Variants in DPYSL5 observed in about 807,000 individuals in gnomAD.
DPYSL5 encodes dihydropyrimidinase-related protein 5.
Under a neutral mutation model 58.4 loss-of-function variants are expected in DPYSL5, and 9 were observed. The observed-to-expected ratio is 0.15, with a 90% CI of 0.09 to 0.27. DPYSL5 has a LOEUF of 0.27. Among genes scored for constraint, DPYSL5 ranks in the 10% least tolerant of loss-of-function variants. The pLI, the probability that DPYSL5 is intolerant of heterozygous loss-of-function variation, is 1.00. For missense variants in DPYSL5, 499 were observed against 770.6 expected, an observed-to-expected ratio of 0.65 and a Z score of 4.17; for synonymous variants, 293 against 301.9, an observed-to-expected ratio of 0.97 and a Z score of 0.31.
chr2:26,918,465 C>G (rs1463909071), intron 2 of DPYSL5, among the ~76,000 whole-genome samples: 8 of 129,558 alleles, frequency 6.2e-5, no homozygotes, highest in African/African-American at 2.3e-4. Flanking sequence ...AACTACCGAG[C>G]TGGTTATTTT....
intron 1 of DPYSL5, among the ~76,000 whole-genome samples, chr2:26,876,940 C>T (rs1663424682): frequency 1.3e-5 from 2 of 149,202 alleles, no homozygotes; most frequent in Non-Finnish European, 3.0e-5. Context: ...TTCACCAGTG[C>T]TGTTACTGAT....
intron 1 of DPYSL5, among the ~76,000 whole-genome samples, chr2:26,874,221 C>G (rs1177894856): frequency 6.6e-6 from 1 of 152,108 alleles, no homozygotes; most frequent in Non-Finnish European, 1.5e-5. Context: ...CTATGGCTTG[C>G]TTTTTCATTT....
At chr2:26,861,505 T>A (rs1666016139) in intron 1 of DPYSL5, among the ~76,000 whole-genome samples, 1 of 152,194 alleles carries the variant, frequency 6.6e-6, no homozygotes, top group African/African-American at 2.4e-5. Flanking sequence ...AGAGAACGTT[T>A]AGTCATTTCA....
chr2:26,884,777 G>C (rs1663670938), intron 1 of DPYSL5, among the ~76,000 whole-genome samples: 1 of 152,148 alleles, frequency 6.6e-6, no homozygotes, highest in African/African-American at 2.4e-5. Context: ...CCTCTTACTT[G>C]ATCTTAGCCT....
intron 1 of DPYSL5, among the ~76,000 whole-genome samples, chr2:26,883,730 C>T (rs1309440615): frequency 6.6e-6 from 1 of 152,090 alleles, no homozygotes; most frequent in African/African-American, 2.4e-5. Context: ...TGCTCCTTCC[C>T]CTCAACTATT....
intron 2 of DPYSL5, among the ~76,000 whole-genome samples, chr2:26,919,186 G>A (rs946890245): frequency 1.4e-4 from 21 of 152,300 alleles, no homozygotes; most frequent in Non-Finnish European, 2.8e-4. Context: ...TTGCTGAGCA[G>A]GACCCTGGTC....
At chr2:26,853,518 C>A (rs903758849) in intron 1 of DPYSL5, among the ~76,000 whole-genome samples, 2 of 152,162 alleles carry the variant, frequency 1.3e-5, no homozygotes, top group African/African-American at 4.8e-5. Context: ...CATGGCAGAG[C>A]CAGGCCTTGA....
At chr2:26,859,747 C>T (rs1383744107) in intron 1 of DPYSL5, among the ~76,000 whole-genome samples, 6 of 152,054 alleles carry the variant, frequency 3.9e-5, no homozygotes, top group Non-Finnish European at 4.4e-5. Context: ...GGTTATGAGA[C>T]GCACCCATTG....
intron 1 of DPYSL5, among the ~76,000 whole-genome samples, chr2:26,890,999 G>A (rs1293493654): frequency 6.6e-6 from 1 of 152,162 alleles, no homozygotes; most frequent in African/African-American, 2.4e-5. Flanking sequence ...CCACACTGGG[G>A]TTAAGGCTTC....
intron 1 of DPYSL5, among the ~76,000 whole-genome samples, chr2:26,868,872 C>T (rs569823584): frequency 2.6e-5 from 4 of 152,106 alleles, no homozygotes; most frequent in African/African-American, 4.8e-5. Flanking sequence ...TGACATTTTA[C>T]GATATTATGT....
At chr2:26,945,199 G>A (rs1572724829) in intron 12 of DPYSL5, among the ~76,000 whole-genome samples, 1 of 151,320 alleles carries the variant, frequency 6.6e-6, no homozygotes, top group Non-Finnish European at 1.5e-5. Context: ...CCAGCCCTTC[G>A]CCCACCCCAG....
intron 1 of DPYSL5, among the ~76,000 whole-genome samples, chr2:26,886,442 A>G (rs564490487): frequency 1.3e-5 from 2 of 152,282 alleles, no homozygotes; most frequent in East Asian, 3.9e-4. Flanking sequence ...AATGCACTTA[A>G]TGATATTAAG....
chr2:26,884,022 C>T (rs1405212724), intron 1 of DPYSL5, among the ~76,000 whole-genome samples: 1 of 152,220 alleles, frequency 6.6e-6, no homozygotes, highest in African/African-American at 2.4e-5. Flanking sequence ...GAAGCAGCCA[C>T]TCCAGGAGCT....
intron 8 of DPYSL5, chr2:26,938,958 C>T (rs1034871780): frequency 6.6e-6 from 1 of 152,450 alleles, no homozygotes; most frequent in Admixed American, 6.5e-5. Flanking sequence ...CCCTCACTGC[C>T]TCTGAGCCCT....
intron 1 of DPYSL5, among the ~76,000 whole-genome samples, chr2:26,889,760 G>A (rs2148130853): frequency 6.6e-6 from 1 of 150,992 alleles, no homozygotes; most frequent in Admixed American, 6.6e-5. Flanking sequence ...CGACTTTCCT[G>A]AGAGGTCCAG....
chr2:26,865,714 T>C (rs1456919789), intron 1 of DPYSL5, among the ~76,000 whole-genome samples: 2 of 152,148 alleles, frequency 1.3e-5, no homozygotes, highest in Non-Finnish European at 2.9e-5. Flanking sequence ...AAAGACCTTA[T>C]GGGTGAAGAG....
intron 1 of DPYSL5, among the ~76,000 whole-genome samples, chr2:26,854,410 G>T (rs1665827256): frequency 6.6e-6 from 1 of 152,152 alleles, no homozygotes; most frequent in Non-Finnish European, 1.5e-5. Context: ...AGTGAGCCAA[G>T]ATCACACCAT....
At chr2:26,916,710 A>C (rs1664573516) in intron 2 of DPYSL5, among the ~76,000 whole-genome samples, 1 of 152,074 alleles carries the variant, frequency 6.6e-6, no homozygotes, top group South Asian at 2.1e-4. Flanking sequence ...CTATCCTAAC[A>C]TGACCTTTCC....
chr2:26,878,383 A>G (rs1157288368), intron 1 of DPYSL5, among the ~76,000 whole-genome samples: 2 of 152,138 alleles, frequency 1.3e-5, no homozygotes, highest in Non-Finnish European at 2.9e-5. Context: ...GCTATTACAT[A>G]TAAATATTAA....
Sources: allele counts gnomAD v4.1 joint callset (sites outside exome capture counted in the v4.1 genomes callset), GRCh38; gene constraint gnomAD v4.1.1; transcripts MANE v1.5; gene names NCBI Gene and HGNC (gene_info 2026-07-23, HGNC 2026-07-21).